The following TENM3 variants were observed in gnomAD, a reference collection of about 807,000 sequenced individuals.
The protein encoded by TENM3 is teneurin transmembrane protein 3.
A neutral mutation model predicts 255.1 loss-of-function variants in TENM3; 63 were observed. That is an observed-to-expected ratio of 0.25 (90% CI 0.20 to 0.30). TENM3 has a LOEUF of 0.30. TENM3 is among the 10% of genes least tolerant of loss of function. The probability of loss-of-function intolerance (pLI) is 1.00; values close to 1 mark genes in which losing one functional copy is unlikely to be tolerated. For synonymous variants in TENM3, 1,306 were observed against 1,322.3 expected (o/e 0.99, Z 0.27); for missense variants, 2,929 against 3,461.1 (o/e 0.85, Z 3.86).
chr4:181,544,408 TAAAAAAAAA>T, the TENM3 span, among the ~76,000 whole-genome samples: 2,024 of 68,694 alleles, frequency 0.029, 103 homozygotes, highest in African/African-American at 0.1. Context: ...CCTTCAGGAT[TAAAAAAAAA>T]AAAAAAAAAA....
At chr4:181,514,297 A>T in the TENM3 span, among the ~76,000 whole-genome samples, 1 of 152,198 alleles carries the variant, frequency 6.6e-6, no homozygotes, top group Non-Finnish European at 1.5e-5. Flanking sequence ...AAAAATTTAA[A>T]GCTTTGGTTC....
intron 22 of TENM3, among the ~76,000 whole-genome samples, chr4:182,771,511 A>C (rs34488421): frequency 0.3 from 43,606 of 143,514 alleles, 7,178 homozygotes; most frequent in Admixed American, 0.4. Context: ...GGGGGGGGGA[A>C]ATAGTACAAT....
At chr4:182,384,046 T>C (rs1767742593) in intron 3 of TENM3, among the ~76,000 whole-genome samples, 1 of 152,192 alleles carries the variant, frequency 6.6e-6, no homozygotes, top group Non-Finnish European at 1.5e-5. Flanking sequence ...CCATGCTCAT[T>C]GGGCCTAGGA....
At chr4:181,868,460 C>T in the TENM3 span, among the ~76,000 whole-genome samples, 1 of 152,156 alleles carries the variant, frequency 6.6e-6, no homozygotes, top group Non-Finnish European at 1.5e-5. Flanking sequence ...GATGATTTGA[C>T]AACTAATTGG....
At chr4:182,604,641 C>T (rs1332855641) in intron 4 of TENM3, among the ~76,000 whole-genome samples, 1 of 152,150 alleles carries the variant, frequency 6.6e-6, no homozygotes, top group African/African-American at 2.4e-5. Flanking sequence ...AAGTTAATTG[C>T]CTGCAAGTTC....
In TENM3 at chr4:182,346,999, G is replaced by GGT. The variant is rs1764868339; in HGVS notation, c.511+71_511+72insTG. 7 of 1,150,664 alleles carry GGT rather than the reference G, an allele frequency of 6.1e-6. 1 individual carries two copies. The East Asian group carries it at 1.7e-4, about 28-fold the overall frequency. The allele number at this position is 1,150,664 out of a possible 1,614,324, so 71.3% of individuals were successfully genotyped here. A position where few individuals can be genotyped will look rare whatever the true frequency, so the allele number is the denominator to read the frequency against. On this transcript the variant is annotated intron_variant, in intron 3 of 27. Transcript: ENST00000511685. ...TGTCTGTTTTGGTTGACTCCGCGGG[G>GGT]GGGGATGTTTTTCTTTCTCTCCTTC...
chr4:181,585,003 CA>C, the TENM3 span, among the ~76,000 whole-genome samples: 44 of 134,772 alleles, frequency 3.3e-4, no homozygotes, highest in Non-Finnish European at 3.0e-4. Context: ...TATCCAGTGG[CA>C]AAAAAAAAAA....
chr4:182,649,083 A>G (rs781555820), intron 5 of TENM3, among the ~76,000 whole-genome samples: 61 of 151,778 alleles, frequency 4.0e-4, no homozygotes, highest in Non-Finnish European at 6.8e-4. Context: ...ACATATTTCT[A>G]TGGGGTATAC....
chr4:182,802,062 T>C lies in TENM3; in HGVS notation c.*1711T>C, dbSNP rs991938466. 1.3e-5 allele frequency: 2 copies of C among 152,654 alleles called. No homozygotes were observed. Among genetic ancestry groups the C allele is most frequent in the African/African-American group, 4.8e-5 (2 of 41,446 alleles). The allele number at this position is 152,654 out of a possible 1,614,324, so 9.5% of individuals were successfully genotyped here. A position where few individuals can be genotyped will look rare whatever the true frequency, so the allele number is the denominator to read the frequency against. Reference sequence around the variant, plus strand: ...AAAGGTTCAAGTGATGTATTGAAAATAATTTTCTAACTGCTTTGTATGTAT... The same window carrying C: ...AAAGGTTCAAGTGATGTATTGAAAACAATTTTCTAACTGCTTTGTATGTAT... On this transcript the variant is annotated 3_prime_UTR_variant, in exon 28 of 28. Transcript: ENST00000511685.
chr4:182,694,956 C>T (rs1561121394), intron 12 of TENM3, among the ~76,000 whole-genome samples: 1 of 152,154 alleles, frequency 6.6e-6, no homozygotes, highest in Non-Finnish European at 1.5e-5. Flanking sequence ...AATAAAATGA[C>T]CACTCTGATA....
intron 3 of TENM3, among the ~76,000 whole-genome samples, chr4:182,522,427 A>G (rs1354906900): frequency 6.6e-6 from 1 of 152,184 alleles, no homozygotes; most frequent in Non-Finnish European, 1.5e-5. Flanking sequence ...TATGAATGAG[A>G]ACATGAACTA....
At chr4:181,774,010 T>G in the TENM3 span, among the ~76,000 whole-genome samples, 24,059 of 126,714 alleles carry the variant, frequency 0.19, 2,013 homozygotes, top group East Asian at 0.35. Flanking sequence ...TGTGTTTTTT[T>G]TTTTTTTTTT....
At chr4:181,587,574 A>G in the TENM3 span, among the ~76,000 whole-genome samples, 30 of 152,326 alleles carry the variant, frequency 2.0e-4, no homozygotes, top group Middle Eastern at 3.4e-3. Context: ...AACCAGGGCA[A>G]AGAAGTTGAG....
At chr4:182,752,562 A>C (rs2152750123) in intron 20 of TENM3, among the ~76,000 whole-genome samples, 1 of 152,262 alleles carries the variant, frequency 6.6e-6, no homozygotes, top group African/African-American at 2.4e-5. Flanking sequence ...AGGCTTTTAA[A>C]CCAGGCAGGA....
At chr4:181,872,437 C>T in the TENM3 span, among the ~76,000 whole-genome samples, 1 of 151,826 alleles carries the variant, frequency 6.6e-6, no homozygotes, top group East Asian at 1.9e-4. Flanking sequence ...AAGCCCAGTA[C>T]CCATTAGTTA....
At chr4:182,423,636 A>T (rs949627538) in intron 3 of TENM3, among the ~76,000 whole-genome samples, 1 of 152,190 alleles carries the variant, frequency 6.6e-6, no homozygotes, top group African/African-American at 2.4e-5. Flanking sequence ...GCAAAGCTTC[A>T]TATGTTAATA....
At chr4:182,528,656 A>G (rs537470670) in intron 3 of TENM3, among the ~76,000 whole-genome samples, 73 of 152,328 alleles carry the variant, frequency 4.8e-4, no homozygotes, top group African/African-American at 1.7e-3. Flanking sequence ...CCAATTTTGT[A>G]TTACTATGAA....
the TENM3 span, among the ~76,000 whole-genome samples, chr4:181,983,506 G>A: frequency 6.6e-5 from 10 of 152,090 alleles, no homozygotes; most frequent in African/African-American, 1.9e-4. Flanking sequence ...ACAGAAACAT[G>A]TGATCATGTT....
the TENM3 span, among the ~76,000 whole-genome samples, chr4:181,932,395 C>CA: frequency 2.6e-5 from 4 of 152,014 alleles, no homozygotes; most frequent in East Asian, 7.7e-4. Context: ...TTTATGTGGC[C>CA]AACAAACATA....
Sources: allele counts gnomAD v4.1 joint callset (sites outside exome capture counted in the v4.1 genomes callset), GRCh38; gene constraint gnomAD v4.1.1; transcripts MANE v1.5; gene names NCBI Gene and HGNC (gene_info 2026-07-23, HGNC 2026-07-21).